Variants in HPSE observed in about 807,000 individuals in gnomAD.
HPSE encodes the protein endo-glucoronidase.
A neutral mutation model predicts 65.1 loss-of-function variants in HPSE; 48 were observed. That is an observed-to-expected ratio of 0.74 (90% confidence interval 0.58 to 0.94). The LOEUF (loss-of-function observed/expected upper bound fraction) is 0.94. Among genes scored for constraint, HPSE ranks in the 40% least tolerant of loss-of-function variants. HPSE has a pLI of 0.00. For synonymous variants in HPSE, 243 were observed against 260.0 expected, an observed-to-expected ratio of 0.93 and a Z score of 0.63; for missense variants, 644 against 637.5, an observed-to-expected ratio of 1.01 and a Z score of -0.11.
At chr4:83,309,746 G>T (rs536713710) in intron 6 of HPSE, among the ~76,000 whole-genome samples, 5 of 152,112 alleles carry the variant, frequency 3.3e-5, no homozygotes, top group Non-Finnish European at 7.3e-5. Flanking sequence ...CTGGGTTACT[G>T]GTTCTTTGGC....
In HPSE at chr4:83,293,175, A is replaced by T. The variant is rs1178668548; in HGVS notation, c.*2169T>A. ...CTCTCCATTCCAAAGGGTTACTCAGAGACAATTATAGGAACCTCGTTGTTG... is the reference window on the plus strand; with the variant it reads ...CTCTCCATTCCAAAGGGTTACTCAGTGACAATTATAGGAACCTCGTTGTTG... On this transcript the variant is annotated 3_prime_UTR_variant, in exon 12 of 12. Transcript: ENST00000311412. 1 of 152,172 alleles carries T rather than the reference A, an allele frequency of 6.6e-6. No individual in the cohort carries two copies. Among genetic ancestry groups the T allele is most frequent in the Admixed American group, 6.5e-5 (1 of 15,280 alleles). The allele number at this position is 152,172 out of a possible 1,614,324, so 9.4% of individuals were successfully genotyped here. A position where few individuals can be genotyped will look rare whatever the true frequency, so the allele number is the denominator to read the frequency against.
At chr4:83,327,583 G>A (rs1737201753) in intron 1 of HPSE, among the ~76,000 whole-genome samples, 1 of 152,166 alleles carries the variant, frequency 6.6e-6, no homozygotes, top group Non-Finnish European at 1.5e-5. Flanking sequence ...TCTATTTCTA[G>A]AGCAGTTTGT....
At chr4:83,332,799 A>G (rs762022884) in intron 1 of HPSE, among the ~76,000 whole-genome samples, 15 of 152,156 alleles carry the variant, frequency 9.9e-5, no homozygotes, top group South Asian at 6.2e-4. Flanking sequence ...CCAGGGGGGA[A>G]CCCCCATCTG....
Position 83,312,501 on chromosome 4 carries a change from C to T in HPSE, c.673+613G>A, listed in dbSNP as rs1736427341. 2.0e-5 allele frequency among the ~76,000 whole-genome samples: 3 copies of T among 150,696 alleles called. No homozygotes were observed. The South Asian group carries it at 6.3e-4, about 32-fold the overall frequency. On this transcript the variant is annotated intron_variant, in intron 4 of 11. Transcript: ENST00000311412. ...GACCATCCTGGCTAACACGGTGAAA[C>T]CCCGTCTCTACTAAAAATACAAAAA...
intron 5 of HPSE, 39 bp from the exon 6 acceptor site, chr4:83,310,117 C>T: frequency 7.6e-7 from 1 of 1,313,194 alleles, no homozygotes; most frequent in South Asian, 1.2e-5. Context: ...TCATATAATA[C>T]ATATATATGC....
At chr4:83,305,223 A>AT (rs1205956848) in intron 9 of HPSE, among the ~76,000 whole-genome samples, 1 of 152,234 alleles carries the variant, frequency 6.6e-6, no homozygotes, top group African/African-American at 2.4e-5. Context: ...TTTGGATGAG[A>AT]TAAAAAGGTC....
At chr4:83,320,976 G>T (rs901081252) in intron 2 of HPSE, among the ~76,000 whole-genome samples, 3 of 152,226 alleles carry the variant, frequency 2.0e-5, no homozygotes, top group African/African-American at 4.8e-5. Context: ...AAGGCAGGGG[G>T]ATCACTTGAG....
At chr4:83,311,035 G>T in intron 4 of HPSE, 145 bp from the exon 5 acceptor site, 1 of 680,666 alleles carries the variant, frequency 1.5e-6, no homozygotes. Context: ...CAGGTCTGGC[G>T]CTATGGCTCA....
intron 9 of HPSE, 38 bp from the exon 10 acceptor site, chr4:83,302,306 ATG>A: frequency 7.8e-7 from 1 of 1,283,686 alleles, no homozygotes; most frequent in Non-Finnish European, 1.1e-6. Flanking sequence ...ACAAAAATAG[ATG>A]TTTACTTATG....
intron 9 of HPSE, among the ~76,000 whole-genome samples, chr4:83,304,976 T>TA (rs1230796327): frequency 6.6e-6 from 1 of 152,134 alleles, no homozygotes; most frequent in Non-Finnish European, 1.5e-5. Flanking sequence ...CTTCCTTATC[T>TA]AAAAAATGGA....
intron 1 of HPSE, among the ~76,000 whole-genome samples, chr4:83,329,561 A>G (rs1393345561): frequency 4.6e-5 from 7 of 152,168 alleles, no homozygotes; most frequent in African/African-American, 1.7e-4. Flanking sequence ...TGGCTCTCAG[A>G]AAAAAAGGTG....
intron 11 of HPSE, among the ~76,000 whole-genome samples, chr4:83,295,934 C>T (rs1024613150): frequency 2.6e-5 from 4 of 152,100 alleles, no homozygotes; most frequent in Non-Finnish European, 4.4e-5. Context: ...ATGAATTTAG[C>T]ATAAATGGTA....
At chr4:83,324,669 C>T (rs184674069) in intron 1 of HPSE, among the ~76,000 whole-genome samples, 5 of 152,244 alleles carry the variant, frequency 3.3e-5, no homozygotes, top group South Asian at 4.1e-4. Context: ...CTCAAAACCA[C>T]GGCTAAATAA....
intron 11 of HPSE, 87 bp from the exon 12 acceptor site, chr4:83,295,590 C>A (rs1315014355): frequency 6.9e-6 from 8 of 1,163,584 alleles, no homozygotes; most frequent in Non-Finnish European, 9.4e-6. Flanking sequence ...TTTTTTAGAC[C>A]AAATAAATTT....
chr4:83,325,631 A>C (rs544090716), intron 1 of HPSE, among the ~76,000 whole-genome samples: 6 of 152,342 alleles, frequency 3.9e-5, no homozygotes, highest in Non-Finnish European at 8.8e-5. Context: ...GTTCTCATAC[A>C]ATTTGTAGTT....
Position 83,293,513 on chromosome 4 carries a change from A to C in HPSE, c.*1831T>G, listed in dbSNP as rs1310818513. ...TGGAGCCTGGCCTGTTTGAACGTCT[A>C]GTTATGTGGGAATATACATTTCCTT... On this transcript the variant is annotated 3_prime_UTR_variant, in exon 12 of 12. Coordinates refer to ENST00000311412, the MANE Select transcript of HPSE (RefSeq NM_001098540.3). The C allele has an allele frequency of 6.6e-6, 1 of 152,234 alleles. No individual in the cohort carries two copies. The highest frequency in any genetic ancestry group is 2.4e-5 in the African/African-American group (1 of 41,462). The allele number at this position is 152,234 out of a possible 1,614,324, so 9.4% of individuals were successfully genotyped here.
chr4:83,297,862 A>G (rs890915210), intron 11 of HPSE, among the ~76,000 whole-genome samples: 2 of 152,230 alleles, frequency 1.3e-5, no homozygotes, highest in African/African-American at 4.8e-5. Context: ...ATCTCCAGCT[A>G]ACAGTGGTAA....
rs1452487927 is a variant in HPSE, at chr4:83,313,140, T to C, written c.647A>G (p.Tyr216Cys). 3 of 1,613,322 alleles carry C rather than the reference T, an allele frequency of 1.9e-6. No individual in the cohort carries two copies. The highest frequency in any genetic ancestry group is 1.6e-4 in the Middle Eastern group (1 of 6,084). Residue 216 changes from tyrosine (Y) to cysteine (C), a missense_variant, in exon 4 of 12, where the codon TAT becomes TGT. Tyr to Cys is a radical substitution (Grantham distance 194, BLOSUM62 -2). Coordinates refer to ENST00000311412, the MANE Select transcript of HPSE (RefSeq NM_001098540.3). ...ATTGCCTAGTTCCCAAGAAATGTTA[T>C]ACCCCTTGGAAGAGCAGTAGTCCAG... Reference protein sequence around the residue: ...LLLDYCSSKGYNISWELGNEP... With the variant: ...LLLDYCSSKGCNISWELGNEP...
intron 3 of HPSE, among the ~76,000 whole-genome samples, chr4:83,316,350 C>CA (rs755454775): frequency 2.0e-4 from 30 of 149,640 alleles, no homozygotes; most frequent in African/African-American, 4.4e-4. Flanking sequence ...AAAAAAAAAA[C>CA]AAAAAAAACA....
Sources: gnomAD v4.1 joint callset for allele counts (sites outside exome capture counted in the v4.1 genomes callset) on GRCh38, gnomAD v4.1.1 for gene constraint, MANE v1.5 for transcripts, NCBI Gene and HGNC (gene_info 2026-07-23, HGNC 2026-07-21) for gene names.